The following SP3 variants were observed in gnomAD, a reference collection of about 807,000 sequenced individuals.
SP3 encodes Sp3 transcription factor, also known as transcription factor Sp3.
In SP3, 10 loss-of-function variants were observed where a neutral mutation model predicts 70.3. That is an observed-to-expected ratio of 0.14 (90% confidence interval 0.09 to 0.24). The LOEUF (loss-of-function observed/expected upper bound fraction) is 0.24, where lower values mean the gene tolerates loss of function less well. Among genes scored for constraint, SP3 ranks in the 10% least tolerant of loss-of-function variants. The pLI is 1.00. For missense variants in SP3, 825 were observed against 914.6 expected, an observed-to-expected ratio of 0.90 and a Z score of 1.26; for synonymous variants, 402 against 333.5, an observed-to-expected ratio of 1.21 and a Z score of -2.24.
At chr2:173,926,887 T>C (rs1483620072) in intron 4 of SP3, among the ~76,000 whole-genome samples, 1 of 152,188 alleles carries the variant, frequency 6.6e-6, no homozygotes, top group Non-Finnish European at 1.5e-5. Flanking sequence ...CTCCCACTGC[T>C]ATGAAGAGAT....
In SP3 at chr2:173,955,056, G is replaced by C; in HGVS notation, c.1456C>G (p.Gln486Glu). Residue 486 changes from glutamine to glutamate, a missense_variant, in exon 4 of 7, where the codon CAA becomes GAA. Transcript: ENST00000310015. ...NLQIQNTAAQQITLTPVQTLT... is the reference protein window; with the variant it reads ...NLQIQNTAAQEITLTPVQTLT... ...GTTTGAACAGGCGTCAAAGTTATTT[G>C]TTGGGCAGCAGTATTCTGTATTTGC... The C allele has an allele frequency of 6.2e-7, 1 of 1,614,200 alleles. No individual in the cohort carries two copies. Among genetic ancestry groups the C allele is most frequent in the Non-Finnish European group, 8.5e-7 (1 of 1,180,028 alleles).
chr2:173,923,370 A>G (rs1010304336), intron 4 of SP3, among the ~76,000 whole-genome samples: 1 of 152,284 alleles, frequency 6.6e-6, no homozygotes, highest in African/African-American at 2.4e-5. Context: ...ATATACACAC[A>G]CACCCACACA....
chr2:173,964,937 C>G (rs1691244432), intron 1 of SP3: 2 of 557,650 alleles, frequency 3.6e-6, no homozygotes, highest in Non-Finnish European at 6.1e-6. Flanking sequence ...GCGGACCGGG[C>G]CGCCCGCCCC....
At chr2:173,954,673 C>T (rs1690820878) in intron 4 of SP3, among the ~76,000 whole-genome samples, 200 bp downstream of exon 4, 2 of 151,974 alleles carry the variant, frequency 1.3e-5, no homozygotes, top group Admixed American at 6.6e-5. Flanking sequence ...AACATGAATC[C>T]CTAACTTCAA....
chr2:173,964,639 T>C, intron 1 of SP3, 86 bp from the exon 2 acceptor site: 1 of 499,528 alleles, frequency 2.0e-6, no homozygotes, highest in Non-Finnish European at 3.8e-6. Flanking sequence ...GCGAAATTAC[T>C]CCCAAAGCCC....
intron 4 of SP3, among the ~76,000 whole-genome samples, chr2:173,941,738 A>G (rs553142182): frequency 1.3e-5 from 2 of 152,128 alleles, no homozygotes; most frequent in Non-Finnish European, 2.9e-5. Context: ...CTCACCCTCT[A>G]TATGTTGGGA....
chr2:173,956,710 T>C (rs1014904698), intron 3 of SP3, among the ~76,000 whole-genome samples: 2 of 152,224 alleles, frequency 1.3e-5, no homozygotes, highest in African/African-American at 4.8e-5. Flanking sequence ...TACTCTAAAG[T>C]AAACTCATGG....
At chr2:173,963,731 C>T (rs757221915) in intron 3 of SP3, 30 bp downstream of exon 3, 41 of 929,086 alleles carry the variant, frequency 4.4e-5, no homozygotes, top group Non-Finnish European at 5.2e-5. Flanking sequence ...CGCCCGGCCT[C>T]GGCGGGGGCG....
At chr2:173,960,610 T>C (rs1381773585) in intron 3 of SP3, among the ~76,000 whole-genome samples, 2 of 152,350 alleles carry the variant, frequency 1.3e-5, no homozygotes, top group Admixed American at 6.5e-5. Flanking sequence ...TCAACATTTA[T>C]GTGCCAAATT....
chr2:173,952,298 CTTTA>C (rs943571399), intron 4 of SP3, among the ~76,000 whole-genome samples: 2 of 152,026 alleles, frequency 1.3e-5, no homozygotes, highest in Non-Finnish European at 2.9e-5. Flanking sequence ...AGCAAAAATG[CTTTA>C]TTAAGGCATA....
chr2:173,965,556 TA>T (rs1691269678), upstream of SP3: 1 of 224,146 alleles, frequency 4.5e-6, no homozygotes, highest in African/African-American at 2.3e-5. Context: ...CGAGAGCGGC[TA>T]CGGCTCGCCG....
At chr2:173,925,817 T>A (rs1242124463) in intron 4 of SP3, among the ~76,000 whole-genome samples, 1 of 152,190 alleles carries the variant, frequency 6.6e-6, no homozygotes, top group African/African-American at 2.4e-5. Flanking sequence ...AAAAAAAGAC[T>A]ACTTTAAATT....
chr2:173,925,294 C>A (rs1475767962), intron 4 of SP3, among the ~76,000 whole-genome samples: 3 of 152,128 alleles, frequency 2.0e-5, no homozygotes, highest in Admixed American at 6.6e-5. Context: ...GGATGAACCT[C>A]AAGGACATTA....
intron 4 of SP3, among the ~76,000 whole-genome samples, chr2:173,941,694 C>T (rs1253673880): frequency 6.6e-6 from 1 of 152,174 alleles, no homozygotes; most frequent in African/African-American, 2.4e-5. Context: ...CATGGAAGCT[C>T]CTTCTGTTTC....
intron 4 of SP3, among the ~76,000 whole-genome samples, chr2:173,945,572 A>G (rs1311787554): frequency 6.6e-6 from 1 of 152,226 alleles, no homozygotes; most frequent in African/African-American, 2.4e-5. Flanking sequence ...AATAAAAAAC[A>G]TAAAAGGCAA....
In SP3 at chr2:173,944,538, T is replaced by G. The variant is rs115779627; in HGVS notation, c.1639+10335A>C. ...ACCTTGTCTCAAAAAAACTGTTAAGTTGAATACAAAAATTGTCCCCAAGAA... is the reference window on the plus strand; with the variant it reads ...ACCTTGTCTCAAAAAAACTGTTAAGGTGAATACAAAAATTGTCCCCAAGAA... On this transcript the variant is annotated intron_variant, in intron 4 of 6. Coordinates refer to ENST00000310015, the MANE Select transcript of SP3 (RefSeq NM_003111.5). 4.8e-3 allele frequency among the ~76,000 whole-genome samples: 730 copies of G among 152,216 alleles called. 3 individuals carry two copies. The highest frequency in any genetic ancestry group is 0.017 in the African/African-American group (699 of 41,522).
chr2:173,964,870 A>G, intron 1 of SP3: 1 of 485,170 alleles, frequency 2.1e-6, no homozygotes, highest in Non-Finnish European at 3.6e-6. Context: ...CTCCTCTCGC[A>G]CCGTCAGTCA....
chr2:173,955,495 C>T lies in SP3; in HGVS notation c.1017G>A (p.Leu339=), dbSNP rs750463236. 14 of 1,614,082 alleles carry T rather than the reference C, an allele frequency of 8.7e-6. No individual in the cohort carries two copies. Among genetic ancestry groups the T allele is most frequent in the Non-Finnish European group, 1.2e-5 (14 of 1,180,022 alleles). The change falls in exon 4 of 7, where the codon TTG becomes TTA. Residue 339 remains leucine, a synonymous_variant. Transcript: ENST00000310015. ...TACCTGTACTATCTATCGTAACAGG[C>T]AACTGTGATGAAGAGGATGTTGGCA... ...LFVPTSSSSQ[L]PVTIDSTGIL...
intron 1 of SP3, 122 bp from the exon 2 acceptor site, chr2:173,964,675 AC>A: frequency 7.6e-6 from 1 of 131,564 alleles, no homozygotes; most frequent in Non-Finnish European, 1.3e-5. Context: ...CCCCTCCCCC[AC>A]CCGCCCCCCG....
Sources: allele counts gnomAD v4.1 joint callset (sites outside exome capture counted in the v4.1 genomes callset), GRCh38; gene constraint gnomAD v4.1.1; transcripts MANE v1.5; gene names NCBI Gene and HGNC (gene_info 2026-07-23, HGNC 2026-07-21).